EPB41L2: variants seen among roughly 807,000 people sequenced by gnomAD.
EPB41L2 encodes the protein band 4.1-like protein 2.
In EPB41L2, 43 loss-of-function variants were observed where a neutral mutation model predicts 113.0. The observed-to-expected ratio is 0.38, with a 90% CI of 0.30 to 0.49. The LOEUF is 0.49. EPB41L2 is among the 20% of genes least tolerant of loss of function. EPB41L2 has a pLI of 0.95. For synonymous variants in EPB41L2, 442 were observed against 436.7 expected, an observed-to-expected ratio of 1.01 and a Z score of -0.15; for missense variants, 1,147 against 1,223.4, an observed-to-expected ratio of 0.94 and a Z score of 0.93.
intron 1 of EPB41L2, among the ~76,000 whole-genome samples, chr6:131,025,989 C>T (rs2128745205): frequency 6.6e-6 from 1 of 152,240 alleles, no homozygotes; most frequent in East Asian, 1.9e-4. Flanking sequence ...CCAAACAGCC[C>T]CCAGGTCACT....
intron 17 of EPB41L2, among the ~76,000 whole-genome samples, chr6:130,864,824 A>G (rs1395091879): frequency 6.6e-6 from 1 of 152,240 alleles, no homozygotes; most frequent in Non-Finnish European, 1.5e-5. Context: ...GGAAGGGCAC[A>G]AGGGACACCT....
intron 1 of EPB41L2, among the ~76,000 whole-genome samples, chr6:130,966,560 C>T (rs1234651086): frequency 6.6e-6 from 1 of 151,948 alleles, no homozygotes; most frequent in East Asian, 1.9e-4. Flanking sequence ...AGTAAAGAAA[C>T]TGGGGAAGAA....
rs1156506856 is a variant in EPB41L2 at position 130,895,028 on chromosome 6, G to A, written c.1328C>T (p.Pro443Leu). 15 of 1,613,676 alleles carry A rather than the reference G, an allele frequency of 9.3e-6. No homozygotes were observed. Among genetic ancestry groups the A allele is most frequent in the East Asian group, 2.2e-5 (1 of 44,876 alleles). ...TTTATAGGAAATTTTTAAGATTTTC[G>A]GCCAAGCAAAACGATTGATTCGCAG... ...DRLRINRFAWPKILKISYKRS... is the reference protein window; with the variant it reads ...DRLRINRFAWLKILKISYKRS... Residue 443 changes from proline to leucine, a missense_variant, in exon 9 of 20, where the codon CCG (proline) becomes CTG (leucine). By Grantham distance (98) the Pro-to-Leu change is moderately conservative. Transcript: ENST00000337057.
intron 1 of EPB41L2, among the ~76,000 whole-genome samples, chr6:131,029,172 G>A (rs905933004): frequency 2.0e-5 from 3 of 152,030 alleles, no homozygotes; most frequent in Non-Finnish European, 2.9e-5. Flanking sequence ...ATTTGCATGG[G>A]TATTTTCCTC....
chr6:130,876,627 G>GA lies in EPB41L2; in HGVS notation c.2043+1476dup, dbSNP rs754317588. The GA allele has an allele frequency of 3.2e-3, 3,682 of 1,151,838 alleles. 8 individuals are homozygous for GA. Among genetic ancestry groups the GA allele is most frequent in the Non-Finnish European group, 3.9e-3 (3,385 of 866,176 alleles). The allele number at this position is 1,151,838 out of a possible 1,614,324, so 71.4% of individuals were successfully genotyped here. On this transcript the variant is annotated intron_variant, in intron 14 of 19. Transcript: ENST00000337057. ...TTATGGCTGTGGATAGAAACAAAAGGAAAGGGGGAAAAAGCAAGAGTAGAT... is the reference window on the plus strand; with the variant it reads ...TTATGGCTGTGGATAGAAACAAAAGGAAAAGGGGGAAAAAGCAAGAGTAGAT...
At chr6:130,994,841 G>C (rs58685490) in intron 1 of EPB41L2, among the ~76,000 whole-genome samples, 1 of 152,076 alleles carries the variant, frequency 6.6e-6, no homozygotes, top group Non-Finnish European at 1.5e-5. Context: ...AGATAAAAGC[G>C]TATCCGATTG....
intron 19 of EPB41L2, among the ~76,000 whole-genome samples, chr6:130,857,271 G>C (rs576307549): frequency 5.3e-4 from 80 of 152,264 alleles, no homozygotes; most frequent in South Asian, 2.1e-3. Context: ...TTAAGTAATA[G>C]TGAGGCTGCA....
intron 1 of EPB41L2, chr6:131,000,710 T>A (rs1217478187): frequency 6.6e-6 from 1 of 152,260 alleles, no homozygotes; most frequent in African/African-American, 2.4e-5. Context: ...ACCACCTTGC[T>A]TGCTGGCACC....
At chr6:130,952,629 G>A (rs1191216845) in intron 3 of EPB41L2, among the ~76,000 whole-genome samples, 1 of 152,076 alleles carries the variant, frequency 6.6e-6, no homozygotes, top group Admixed American at 6.6e-5. Context: ...CCTGGCCATG[G>A]TGGAACCCCG....
intron 1 of EPB41L2, among the ~76,000 whole-genome samples, chr6:130,957,015 G>A (rs1410533577): frequency 1.3e-5 from 2 of 152,108 alleles, no homozygotes; most frequent in East Asian, 3.9e-4. Flanking sequence ...TTAAGTGTAT[G>A]GTGTGTAACA....
chr6:130,984,275 G>C (rs556031130), intron 1 of EPB41L2, among the ~76,000 whole-genome samples: 1 of 152,260 alleles, frequency 6.6e-6, no homozygotes, highest in South Asian at 2.1e-4. Context: ...TTTGTTTTTT[G>C]TAAGTAGAAG....
At chr6:130,945,837 A>C (rs1812625506) in intron 3 of EPB41L2, among the ~76,000 whole-genome samples, 1 of 152,054 alleles carries the variant, frequency 6.6e-6, no homozygotes, top group Non-Finnish European at 1.5e-5. Flanking sequence ...CCCCGCTTAG[A>C]GGAAAGAGCT....
chr6:130,976,432 C>T (rs1448812250), intron 1 of EPB41L2, among the ~76,000 whole-genome samples: 1 of 152,028 alleles, frequency 6.6e-6, no homozygotes. Flanking sequence ...ATGTTAGACT[C>T]ATATGTTCAA....
At chr6:130,948,607 T>C (rs1490259009) in intron 3 of EPB41L2, among the ~76,000 whole-genome samples, 2 of 152,124 alleles carry the variant, frequency 1.3e-5, no homozygotes, top group African/African-American at 2.4e-5. Flanking sequence ...ATAAATGGTC[T>C]AAATTTACCA....
chr6:130,954,880 G>A (rs536552735), intron 3 of EPB41L2, among the ~76,000 whole-genome samples: 27 of 152,232 alleles, frequency 1.8e-4, no homozygotes, highest in African/African-American at 5.8e-4. Flanking sequence ...ATTAACACAC[G>A]AACCAGTAAA....
intron 10 of EPB41L2, among the ~76,000 whole-genome samples, chr6:130,893,718 G>A (rs1309947440): frequency 6.6e-6 from 1 of 152,190 alleles, no homozygotes; most frequent in Non-Finnish European, 1.5e-5. Context: ...GTGAGGTCAG[G>A]ACACAGGACT....
intron 1 of EPB41L2, among the ~76,000 whole-genome samples, chr6:131,060,707 G>A (rs972513948): frequency 1.3e-5 from 2 of 152,178 alleles, no homozygotes; most frequent in Non-Finnish European, 2.9e-5. Context: ...TTAAGAACAG[G>A]TATGAAAGTG....
intron 8 of EPB41L2, 76 bp downstream of exon 8, chr6:130,899,415 A>C (rs1439049777): frequency 8.6e-7 from 1 of 1,161,710 alleles, no homozygotes; most frequent in Middle Eastern, 1.9e-4. Context: ...AAGCTGTGCT[A>C]TCCTGAAACT....
chr6:130,971,573 G>A (rs1776787040), intron 1 of EPB41L2, among the ~76,000 whole-genome samples: 1 of 152,212 alleles, frequency 6.6e-6, no homozygotes, highest in Non-Finnish European at 1.5e-5. Flanking sequence ...CTACAACATG[G>A]AGCCACTGGG....
Sources: gnomAD v4.1 joint callset for allele counts (sites outside exome capture counted in the v4.1 genomes callset) on GRCh38, gnomAD v4.1.1 for gene constraint, MANE v1.5 for transcripts, NCBI Gene and HGNC (gene_info 2026-07-23, HGNC 2026-07-21) for gene names.